LRP1B: variants seen among roughly 807,000 people sequenced by gnomAD.
The protein encoded by LRP1B is low-density lipoprotein receptor-related protein 1B.
Under a neutral mutation model 556.6 loss-of-function variants are expected in LRP1B, and 217 were observed. The ratio of observed to expected loss-of-function variants is 0.39; its 90% CI spans 0.35 to 0.44. The LOEUF is 0.44. LRP1B is among the 20% of genes least tolerant of loss of function. LRP1B has a pLI of 1.00. For missense variants in LRP1B, 5,053 were observed against 5,620.8 expected, an observed-to-expected ratio of 0.90 and a Z score of 3.23; for synonymous variants, 2,047 against 1,865.8, an observed-to-expected ratio of 1.10 and a Z score of -2.50.
intron 43 of LRP1B, among the ~76,000 whole-genome samples, chr2:140,547,219 A>G (rs1680374609): frequency 6.6e-6 from 1 of 152,046 alleles, no homozygotes; most frequent in Admixed American, 6.6e-5. Context: ...TACTAATTTC[A>G]GCAGGAATGG....
intron 2 of LRP1B, among the ~76,000 whole-genome samples, chr2:141,771,818 TTTG>T (rs1323721307): frequency 1.6e-4 from 25 of 152,176 alleles, no homozygotes; most frequent in African/African-American, 4.8e-4. Context: ...TTTGTTTGTT[TTTG>T]TTGTTGTTGT....
chr2:140,790,840 C>A (rs1437273925), intron 32 of LRP1B, among the ~76,000 whole-genome samples: 1 of 152,158 alleles, frequency 6.6e-6, no homozygotes, highest in South Asian at 2.1e-4. Context: ...ATGGCTCACA[C>A]CTGTAATCCC....
intron 2 of LRP1B, among the ~76,000 whole-genome samples, chr2:141,555,754 C>T (rs1685939381): frequency 6.6e-6 from 1 of 151,784 alleles, no homozygotes; most frequent in African/African-American, 2.4e-5. Flanking sequence ...TGATGAGGTA[C>T]CTGGTGAGTG....
chr2:141,499,375 C>T (rs1234223777), intron 2 of LRP1B, among the ~76,000 whole-genome samples: 1 of 152,032 alleles, frequency 6.6e-6, no homozygotes, highest in African/African-American at 2.4e-5. Flanking sequence ...AGAGTAACAT[C>T]GCTTCCTTCC....
chr2:140,812,561 T>C (rs1203280893), intron 32 of LRP1B, among the ~76,000 whole-genome samples: 1 of 151,672 alleles, frequency 6.6e-6, no homozygotes, highest in African/African-American at 2.4e-5. Context: ...TATTAACATA[T>C]ACTCATGAAA....
At chr2:141,171,219 ACT>A (rs1680485082) in intron 7 of LRP1B, among the ~76,000 whole-genome samples, 1 of 151,864 alleles carries the variant, frequency 6.6e-6, no homozygotes, top group Admixed American at 6.6e-5. Context: ...ACATTGCTTC[ACT>A]CTTTGTGTTG....
intron 15 of LRP1B, among the ~76,000 whole-genome samples, chr2:140,995,140 C>A (rs1222981071): frequency 2.6e-5 from 4 of 152,006 alleles, no homozygotes; most frequent in African/African-American, 9.7e-5. Flanking sequence ...CAATCTGCTG[C>A]AGCTCTAAAA....
At chr2:140,578,741 A>T (rs373330483) in intron 43 of LRP1B, among the ~76,000 whole-genome samples, 11 of 151,228 alleles carry the variant, frequency 7.3e-5, no homozygotes, top group African/African-American at 2.2e-4. Context: ...AAAGTATAAT[A>T]AAAAAAAATA....
intron 2 of LRP1B, among the ~76,000 whole-genome samples, chr2:141,552,534 G>A (rs907474857): frequency 5.3e-5 from 8 of 152,154 alleles, no homozygotes; most frequent in African/African-American, 1.9e-4. Context: ...CCAGCTACAT[G>A]AGATTCTTCC....
At position 140,886,129 on chromosome 2, in the gene LRP1B, T is replaced by C. The variant is rs779310370; in HGVS notation, c.3964+9A>G. On this transcript the variant is annotated intron_variant, in intron 24 of 90. Transcript: ENST00000389484. ...ATCTAAACATTAAGAAAAATTATAA[T>C]ATATGTACCTCCACTTTCAGAAAGC... 10 of 1,511,628 alleles carry C rather than the reference T, an allele frequency of 6.6e-6. No individual in the cohort carries two copies. The highest frequency in any genetic ancestry group is 2.5e-5 in the South Asian group (2 of 78,876). 93.6% of individuals were successfully genotyped at this position (1,511,628 alleles called of 1,614,324 possible).
intron 2 of LRP1B, among the ~76,000 whole-genome samples, chr2:141,724,048 G>T (rs1038627599): frequency 2.0e-5 from 3 of 151,832 alleles, no homozygotes; most frequent in Admixed American, 6.6e-5. Flanking sequence ...GTATTGATAA[G>T]ACCTGTACCA....
At chr2:140,404,312 C>T (rs1199770499) in intron 66 of LRP1B, among the ~76,000 whole-genome samples, 1 of 151,066 alleles carries the variant, frequency 6.6e-6, no homozygotes, top group African/African-American at 2.4e-5. Context: ...GTAGCTGAGA[C>T]TTCAGGTGCC....
At chr2:140,634,890 C>A (rs1684018073) in intron 41 of LRP1B, among the ~76,000 whole-genome samples, 1 of 151,772 alleles carries the variant, frequency 6.6e-6, no homozygotes. Context: ...AATCCTGAAA[C>A]AACAAAAACA....
chr2:140,257,120 T>G (rs997097091), intron 86 of LRP1B, among the ~76,000 whole-genome samples: 1 of 152,158 alleles, frequency 6.6e-6, no homozygotes, highest in African/African-American at 2.4e-5. Flanking sequence ...AGTCTAATTC[T>G]TGTCTAGGAA....
At chr2:141,156,173 C>T (rs1377889888) in intron 7 of LRP1B, among the ~76,000 whole-genome samples, 1 of 152,168 alleles carries the variant, frequency 6.6e-6, no homozygotes, top group Non-Finnish European at 1.5e-5. Context: ...CATATTCTCT[C>T]TCTCTACCTA....
intron 1 of LRP1B, among the ~76,000 whole-genome samples, chr2:141,987,272 T>C (rs1440732095): frequency 1.3e-5 from 2 of 152,030 alleles, no homozygotes; most frequent in South Asian, 2.1e-4. Flanking sequence ...CTAATTGATA[T>C]GTATGTAATT....
At chr2:141,687,118 T>G (rs564583519) in intron 2 of LRP1B, among the ~76,000 whole-genome samples, 6 of 151,990 alleles carry the variant, frequency 3.9e-5, no homozygotes, top group African/African-American at 1.4e-4. Flanking sequence ...ACTCTACCTT[T>G]GATTAAATGC....
At chr2:140,519,625 C>T (rs1211828530) in intron 49 of LRP1B, among the ~76,000 whole-genome samples, 1 of 152,136 alleles carries the variant, frequency 6.6e-6, no homozygotes, top group Non-Finnish European at 1.5e-5. Flanking sequence ...TCTAATAAAA[C>T]TAAAGAGATT....
chr2:140,366,785 G>C (rs953515926), intron 71 of LRP1B, among the ~76,000 whole-genome samples: 1 of 151,690 alleles, frequency 6.6e-6, no homozygotes, highest in Non-Finnish European at 1.5e-5. Context: ...GAATGCCAAC[G>C]TATCTTTCCA....
Sources: gnomAD v4.1 joint callset for allele counts (sites outside exome capture counted in the v4.1 genomes callset) on GRCh38, gnomAD v4.1.1 for gene constraint, MANE v1.5 for transcripts, NCBI Gene and HGNC (gene_info 2026-07-23, HGNC 2026-07-21) for gene names.